The following EDEM2 variants were observed in gnomAD, a reference collection of about 807,000 sequenced individuals.
EDEM2 encodes ER degradation enhancing alpha-mannosidase like protein 2, also known as ER degradation-enhancing alpha-mannosidase-like protein 2.
Under a neutral mutation model 64.8 loss-of-function variants are expected in EDEM2, and 39 were observed. The ratio of observed to expected loss-of-function variants is 0.60; its 90% CI spans 0.47 to 0.79. EDEM2 has a LOEUF of 0.79. Among genes scored for constraint, EDEM2 ranks in the 30% least tolerant of loss-of-function variants. The pLI is 0.00. For missense variants in EDEM2, 609 were observed against 731.3 expected (o/e 0.83, Z 1.93); for synonymous variants, 296 against 291.5 (o/e 1.02, Z -0.16).
intron 9 of EDEM2, among the ~76,000 whole-genome samples, chr20:35,121,880 G>A (rs542764307): frequency 9.2e-5 from 14 of 151,736 alleles, no homozygotes; most frequent in East Asian, 2.0e-4. Context: ...CTGCAGCTAC[G>A]ACCACCTGGG....
intron 9 of EDEM2, among the ~76,000 whole-genome samples, chr20:35,122,026 T>C (rs935952797): frequency 4.6e-5 from 7 of 152,118 alleles, no homozygotes. Context: ...TGGGCTTAAA[T>C]GATCCTCCTG....
intron 7 of EDEM2, 111 bp from the exon 8 acceptor site, chr20:35,126,486 T>C (rs759196861): frequency 7.5e-7 from 1 of 1,329,606 alleles, no homozygotes; most frequent in South Asian, 1.4e-5. Flanking sequence ...CAGGATGCAA[T>C]GAGGCAAGGA....
At chr20:35,136,479 G>A (rs943167500) in intron 5 of EDEM2, among the ~76,000 whole-genome samples, 4 of 152,126 alleles carry the variant, frequency 2.6e-5, no homozygotes, top group South Asian at 2.1e-4. Context: ...TAAAGAGGCC[G>A]GGTGTGGTGG....
chr20:35,117,153 A>G (rs2085319078), intron 10 of EDEM2: 3 of 152,224 alleles, frequency 2.0e-5, no homozygotes, highest in Non-Finnish European at 4.4e-5. Context: ...GACCCAAAGT[A>G]TCGACACTTA....
At chr20:35,126,495 G>T in intron 7 of EDEM2, 120 bp from the exon 8 acceptor site, 1 of 1,239,216 alleles carries the variant, frequency 8.1e-7, no homozygotes, top group African/African-American at 1.5e-5. Context: ...ATGAGGCAAG[G>T]AGGCTAGACA....
intron 2 of EDEM2, among the ~76,000 whole-genome samples, 156 bp from the exon 3 acceptor site, chr20:35,145,174 G>A (rs974930815): frequency 1.3e-5 from 2 of 152,168 alleles, no homozygotes; most frequent in African/African-American, 4.8e-5. Context: ...AGTGAAAATC[G>A]CAGGTATTCT....
chr20:35,140,705 G>A (rs1486481910), intron 4 of EDEM2, among the ~76,000 whole-genome samples: 2 of 152,016 alleles, frequency 1.3e-5, no homozygotes, highest in East Asian at 3.9e-4. Flanking sequence ...AAATTTGCTT[G>A]GAAAACTATG....
chr20:35,116,974 G>A (rs1256254559), intron 10 of EDEM2, among the ~76,000 whole-genome samples: 1 of 152,028 alleles, frequency 6.6e-6, no homozygotes, highest in African/African-American at 2.4e-5. Flanking sequence ...TGTATTTTTA[G>A]TAGAGACAGG....
Position 35,147,146 on chromosome 20 carries a change from G to C in EDEM2, c.107+6C>G, listed in dbSNP as rs753723550. On this transcript the variant is annotated splice_donor_region_variant and intron_variant, in intron 1 of 10. Coordinates refer to ENST00000374492, the MANE Select transcript of EDEM2 (RefSeq NM_018217.3). ...CCCAACTGCGAAAGGGCGGGTCACA[G>C]TTCACCTGTAGTGGGCGGGATCTGG... The C allele has an allele frequency of 2.5e-6, 4 of 1,600,650 alleles. No homozygotes were observed. The highest frequency in any genetic ancestry group is 2.2e-5 in the South Asian group (2 of 89,586).
intron 4 of EDEM2, among the ~76,000 whole-genome samples, chr20:35,138,774 C>T (rs760531627): frequency 1.3e-4 from 19 of 151,498 alleles, no homozygotes; most frequent in Non-Finnish European, 2.5e-4. Context: ...TTTGTAGACA[C>T]GGTGTTTCAC....
In EDEM2 at chr20:35,147,317, C is replaced by G. The variant is rs1473444461; in HGVS notation, c.-59G>C. On this transcript the variant is annotated 5_prime_UTR_variant, in exon 1 of 11. Transcript: ENST00000374492. ...CAGCAGCCACTGCAACCAGTTCATC[C>G]TGGGAGCTGCTGCGGGTTCTTCCGG... 5.7e-6 allele frequency: 8 copies of G among 1,404,192 alleles called. No homozygotes were observed. The highest frequency in any genetic ancestry group is 7.4e-6 in the Non-Finnish European group (8 of 1,073,878). The allele number at this position is 1,404,192 out of a possible 1,614,324, so 87.0% of individuals were successfully genotyped here. A position where few individuals can be genotyped will look rare whatever the true frequency, so the allele number is the denominator to read the frequency against.
chr20:35,134,728 G>T lies in EDEM2; in HGVS notation c.702+10C>A. ...AGGGACTCAAACAGGAAGGGCAGCA[G>T]CGAACCTACCAGCCCGATATCTGAC... On this transcript the variant is annotated intron_variant, in intron 6 of 10. Coordinates refer to ENST00000374492, the MANE Select transcript of EDEM2 (RefSeq NM_018217.3). 6.2e-7 allele frequency: 1 copy of T among 1,612,246 alleles called. No individual in the cohort carries two copies. Among genetic ancestry groups the T allele is most frequent in the Non-Finnish European group, 8.5e-7 (1 of 1,179,806 alleles).
chr20:35,126,220 A>T (rs763703842), intron 8 of EDEM2, 31 bp downstream of exon 8: 1 of 1,606,382 alleles, frequency 6.2e-7, no homozygotes, highest in South Asian at 1.1e-5. Flanking sequence ...AGACTCATAG[A>T]AAGATGATCA....
chr20:35,145,779 G>A (rs528228116), intron 2 of EDEM2, among the ~76,000 whole-genome samples: 2 of 152,170 alleles, frequency 1.3e-5, no homozygotes, highest in African/African-American at 2.4e-5. Flanking sequence ...GGAGGCCTAG[G>A]TGGGTGGATC....
intron 7 of EDEM2, among the ~76,000 whole-genome samples, chr20:35,127,507 T>C (rs1393066427): frequency 6.6e-6 from 1 of 152,190 alleles, no homozygotes; most frequent in Admixed American, 6.6e-5. Context: ...TTTTGTCTAC[T>C]GCAGAATCCC....
At chr20:35,143,816 GAGCAA>G in intron 3 of EDEM2, among the ~76,000 whole-genome samples, 1 of 152,040 alleles carries the variant, frequency 6.6e-6, no homozygotes, top group Non-Finnish European at 1.5e-5. Context: ...TCTGGGACTT[GAGCAA>G]TGTTGGCCTC....
intron 2 of EDEM2, 56 bp downstream of exon 2, chr20:35,146,769 C>G: frequency 6.3e-7 from 1 of 1,578,830 alleles, no homozygotes; most frequent in East Asian, 2.3e-5. Flanking sequence ...CTGACCCGCC[C>G]GCCGAGGCCC....
chr20:35,120,431 C>A (rs1179864164), intron 9 of EDEM2, among the ~76,000 whole-genome samples: 1 of 152,066 alleles, frequency 6.6e-6, no homozygotes, highest in Non-Finnish European at 1.5e-5. Context: ...CTCCTCCCCT[C>A]TCCTCACAGG....
intron 3 of EDEM2, among the ~76,000 whole-genome samples, chr20:35,143,178 C>T (rs1304931385): frequency 6.6e-6 from 1 of 152,174 alleles, no homozygotes; most frequent in African/African-American, 2.4e-5. Context: ...TGGCCTCCCA[C>T]CAGAGGTTGG....
Sources: allele counts gnomAD v4.1 joint callset (sites outside exome capture counted in the v4.1 genomes callset), GRCh38; gene constraint gnomAD v4.1.1; transcripts MANE v1.5; gene names NCBI Gene and HGNC (gene_info 2026-07-23, HGNC 2026-07-21).